Variants in C1D observed in about 807,000 individuals in gnomAD.
C1D encodes the protein C1D nuclear receptor corepressor.
A neutral mutation model predicts 17.5 loss-of-function variants in C1D; 10 were observed. The observed-to-expected ratio is 0.57, with a 90% CI of 0.35 to 0.97. C1D has a LOEUF of 0.97. Among genes scored for constraint, C1D ranks in the 50% least tolerant of loss-of-function variants. The pLI, the probability that C1D is intolerant of heterozygous loss-of-function variation, is 0.01. For missense variants in C1D, 136 were observed against 160.1 expected (o/e 0.85, Z 0.81); for synonymous variants, 49 against 54.0 (o/e 0.91, Z 0.40).
In C1D at chr2:68,047,238, T is replaced by C. The variant is rs752851645; in HGVS notation, c.73A>G (p.Ile25Val). Residue 25 changes from isoleucine to valine, a missense_variant, in exon 2 of 5, where the codon ATT (isoleucine) becomes GTT (valine). Ile to Val is a conservative substitution (Grantham distance 29). Transcript: ENST00000410067. ...HEYLSAFENSIGAVDEMLKTM... is the reference protein window; with the variant it reads ...HEYLSAFENSVGAVDEMLKTM... Reference sequence around the variant, plus strand: ...TTCAGCATCTCATCCACAGCACCAATGGAATTCTCAAACGCTGACAAATAC... The same window carrying C: ...TTCAGCATCTCATCCACAGCACCAACGGAATTCTCAAACGCTGACAAATAC... 6.8e-6 allele frequency: 11 copies of C among 1,612,594 alleles called. No homozygotes were observed. The highest frequency in any genetic ancestry group is 3.3e-5 in the South Asian group (3 of 90,918).
chr2:68,058,555 G>T (rs1291172861), intron 1 of C1D, among the ~76,000 whole-genome samples: 1 of 152,178 alleles, frequency 6.6e-6, no homozygotes, highest in African/African-American at 2.4e-5. Context: ...ACAGAAACAG[G>T]TCACAGGGCT....
chr2:68,048,696 T>C (rs753396151), intron 1 of C1D, among the ~76,000 whole-genome samples: 9 of 152,132 alleles, frequency 5.9e-5, no homozygotes, highest in Non-Finnish European at 1.3e-4. Context: ...CAACCAGCAG[T>C]TAAGGCGATA....
intron 1 of C1D, among the ~76,000 whole-genome samples, chr2:68,060,281 T>G (rs1199712523): frequency 6.6e-6 from 1 of 152,240 alleles, no homozygotes; most frequent in African/African-American, 2.4e-5. Context: ...ATTAGTCTCC[T>G]GGTTTTCACC....
At chr2:68,056,377 C>T (rs1300328754) in intron 1 of C1D, among the ~76,000 whole-genome samples, 1 of 152,014 alleles carries the variant, frequency 6.6e-6, no homozygotes, top group Non-Finnish European at 1.5e-5. Flanking sequence ...GCTGAGATTA[C>T]AGGTGTGAGC....
intron 4 of C1D, 96 bp downstream of exon 4, chr2:68,045,892 A>T (rs1671105292): frequency 1.2e-6 from 1 of 840,096 alleles, no homozygotes; most frequent in Admixed American, 3.2e-5. Context: ...TTTCAACTCG[A>T]ATTCTGTTCT....
intron 4 of C1D, among the ~76,000 whole-genome samples, chr2:68,045,641 C>G (rs535054285): frequency 6.6e-6 from 1 of 151,502 alleles, no homozygotes; most frequent in Admixed American, 6.6e-5. Flanking sequence ...CCCGTCTTTG[C>G]TAGTAAATCA....
Position 68,052,011 on chromosome 2 carries a change from T to G in C1D, c.-9-4692A>C, listed in dbSNP as rs116208282. The stretch of plus-strand genomic sequence containing the variant: ...GTTGAAATAAACTATAACAAAATAT[T>G]GGAAATAATCTAGATATTCATCGAC... On this transcript the variant is annotated intron_variant, in intron 1 of 4. Coordinates refer to ENST00000410067, the MANE Select transcript of C1D (RefSeq NM_173177.3). 4.3e-3 allele frequency among the ~76,000 whole-genome samples: 661 copies of G among 152,112 alleles called. 9 individuals are homozygous for G. The highest frequency in any genetic ancestry group is 0.015 in the African/African-American group (618 of 41,460).
chr2:68,044,915 T>A (rs2103792658), intron 4 of C1D, among the ~76,000 whole-genome samples: 1 of 152,238 alleles, frequency 6.6e-6, no homozygotes, highest in Non-Finnish European at 1.5e-5. Context: ...GTATGCAAAG[T>A]CTATATTAGG....
At chr2:68,053,275 T>C (rs979683245) in intron 1 of C1D, 1 of 1,447,250 alleles carries the variant, frequency 6.9e-7, no homozygotes, top group African/African-American at 1.4e-5. Context: ...TGCCACTCAG[T>C]CCTTCCTCTC....
At chr2:68,062,451 A>C (rs918457630) in intron 1 of C1D, among the ~76,000 whole-genome samples, 5 of 152,230 alleles carry the variant, frequency 3.3e-5, no homozygotes, top group Admixed American at 6.5e-5. Context: ...TTTCAGCTAA[A>C]GGTCGAAATT....
chr2:68,058,972 C>T (rs1353016352), intron 1 of C1D, among the ~76,000 whole-genome samples: 1 of 152,178 alleles, frequency 6.6e-6, no homozygotes, highest in Admixed American at 6.5e-5. Context: ...AGTCCTTTCC[C>T]TCTACTTGGA....
At chr2:68,051,524 T>A (rs1414148067) in intron 1 of C1D, among the ~76,000 whole-genome samples, 1 of 152,186 alleles carries the variant, frequency 6.6e-6, no homozygotes, top group Non-Finnish European at 1.5e-5. Context: ...TAACTATTTA[T>A]CTTTTAAAAA....
intron 1 of C1D, among the ~76,000 whole-genome samples, chr2:68,062,635 T>C (rs889543168): frequency 6.6e-6 from 1 of 152,234 alleles, no homozygotes; most frequent in African/African-American, 2.4e-5. Context: ...TTTTGATTTT[T>C]GTTTTTAATT....
chr2:68,062,707 G>A (rs1671670794), intron 1 of C1D, among the ~76,000 whole-genome samples: 1 of 152,146 alleles, frequency 6.6e-6, no homozygotes, highest in South Asian at 2.1e-4. Flanking sequence ...AGAGAGACCG[G>A]AGCAAAAGAG....
chr2:68,058,878 G>A (rs9808513), intron 1 of C1D, among the ~76,000 whole-genome samples: 5,657 of 152,256 alleles, frequency 0.037, 310 homozygotes, highest in African/African-American at 0.13. Context: ...AGTGGCCACA[G>A]AGGAAAGAGG....
At position 68,041,262 on chromosome 2, in the gene C1D, C is replaced by T. The variant is rs1339013942; in HGVS notation, c.*1627G>A. 6.6e-6 allele frequency: 1 copy of T among 151,862 alleles called. No individual in the cohort carries two copies. Among genetic ancestry groups the T allele is most frequent in the East Asian group, 1.9e-4 (1 of 5,200 alleles). 9.4% of individuals were successfully genotyped at this position (151,862 alleles called of 1,614,324 possible). The stretch of plus-strand genomic sequence containing the variant: ...TTAAAAGTTACACAATTTAACAGAA[C>T]GTAGAGGTGCACTTTCATAAACCAA... On this transcript the variant is annotated 3_prime_UTR_variant, in exon 5 of 5. Transcript: ENST00000410067.
intron 1 of C1D, among the ~76,000 whole-genome samples, chr2:68,051,857 C>T (rs1429809521): frequency 1.3e-5 from 2 of 151,972 alleles, no homozygotes; most frequent in Non-Finnish European, 2.9e-5. Flanking sequence ...ATCTCCTCCC[C>T]AACCTTACAT....
chr2:68,046,156 TA>T (rs1671114841), intron 3 of C1D, 113 bp from the exon 4 acceptor site: 4 of 879,464 alleles, frequency 4.5e-6, no homozygotes, highest in Non-Finnish European at 7.0e-6. Context: ...AATTAAACTT[TA>T]AATTATTCAA....
intron 1 of C1D, among the ~76,000 whole-genome samples, chr2:68,050,250 G>A (rs1671241831): frequency 6.6e-6 from 1 of 151,014 alleles, no homozygotes; most frequent in Non-Finnish European, 1.5e-5. Context: ...CCGTCTGCTG[G>A]ACTATTACCC....
Sources: gnomAD v4.1 joint callset for allele counts (sites outside exome capture counted in the v4.1 genomes callset) on GRCh38, gnomAD v4.1.1 for gene constraint, MANE v1.5 for transcripts, NCBI Gene and HGNC (gene_info 2026-07-23, HGNC 2026-07-21) for gene names.